The following VAV2 variants were observed in gnomAD, a reference collection of about 807,000 sequenced individuals.
The protein encoded by VAV2 is guanine nucleotide exchange factor VAV2.
Under a neutral mutation model 132.5 loss-of-function variants are expected in VAV2, and 67 were observed. The ratio of observed to expected loss-of-function variants is 0.51; its 90% CI spans 0.42 to 0.62. The LOEUF (loss-of-function observed/expected upper bound fraction) is 0.62, where lower values mean the gene tolerates loss of function less well. Ranked by LOEUF, VAV2 falls within the 20% of genes least tolerant of loss-of-function variation. VAV2 has a pLI of 0.00. For missense variants in VAV2, 938 were observed against 1,153.6 expected (o/e 0.81, Z 2.71); for synonymous variants, 492 against 443.5 (o/e 1.11, Z -1.37).
In VAV2 at chr9:133,887,667, C is replaced by T. The variant is rs547630147; in HGVS notation, c.322-26235G>A. Among the ~76,000 whole-genome samples, 88 of 152,254 alleles carry T rather than the reference C, an allele frequency of 5.8e-4. 1 individual carries two copies. The South Asian group carries it at 0.015, about 27-fold the overall frequency. ...CAGAGACCCTCCCCAACCCCAGCAC[C>T]CCAGGGACATCAGAGGCTGAGGGAT... On this transcript the variant is annotated intron_variant, in intron 2 of 29. Transcript: ENST00000371850.
intron 2 of VAV2, among the ~76,000 whole-genome samples, chr9:133,889,913 G>C (rs1295656586): frequency 6.6e-6 from 1 of 152,214 alleles, no homozygotes; most frequent in African/African-American, 2.4e-5. Flanking sequence ...GAATATTAGT[G>C]TTTCCCATGA....
rs530271384 is a variant in VAV2 at position 133,768,773 on chromosome 9, G to A, written c.2435-177C>T. 1.3e-5 allele frequency among the ~76,000 whole-genome samples: 2 copies of A among 152,096 alleles called. No individual in the cohort carries two copies. The highest frequency in any genetic ancestry group is 2.1e-4 in the South Asian group (1 of 4,814). ...GGGACACACTGGCCTCCAATCCCAG[G>A]GCCCCTTGCCCTCTGGGTCTGGGGA... On this transcript the variant is annotated intron_variant, in intron 28 of 29. Coordinates refer to ENST00000371850, the MANE Select transcript of VAV2 (RefSeq NM_001134398.2). This position sits in a 1 kb window ranked among gnomAD's most constrained non-coding sequence, Gnocchi z 5.3.
intron 1 of VAV2, among the ~76,000 whole-genome samples, chr9:133,957,835 G>C (rs1211270599): frequency 2.3e-5 from 3 of 129,722 alleles, no homozygotes; most frequent in African/African-American, 5.1e-5. Context: ...GAAAGAAGTA[G>C]ACATGGAAGA....
chr9:133,842,127 T>A (rs1836750127), intron 3 of VAV2, among the ~76,000 whole-genome samples: 1 of 152,198 alleles, frequency 6.6e-6, no homozygotes, highest in Non-Finnish European at 1.5e-5. Flanking sequence ...GCTTGGCTCA[T>A]CCAGCCATCA....
intron 3 of VAV2, among the ~76,000 whole-genome samples, chr9:133,838,830 A>AGTGGGTTGGTGGATGGATGAATGGGTGG (rs2131800883): frequency 2.7e-5 from 2 of 75,430 alleles, no homozygotes; most frequent in East Asian, 9.0e-4. Context: ...TAGGTTGGTG[A>AGTGGGTTGGTGGATGGATGAATGGGTGG]GTGGGTTGGT....
At chr9:133,944,701 A>G (rs746275394) in intron 1 of VAV2, among the ~76,000 whole-genome samples, 2 of 152,256 alleles carry the variant, frequency 1.3e-5, no homozygotes, top group Non-Finnish European at 2.9e-5. Context: ...GCCTAAGGGG[A>G]TGCAAGAAAG....
At chr9:133,801,280 C>T (rs1278861942) in intron 9 of VAV2, among the ~76,000 whole-genome samples, 3 of 152,236 alleles carry the variant, frequency 2.0e-5, no homozygotes, top group African/African-American at 4.8e-5. Context: ...GGGCCCTGGC[C>T]GTGGGACGGG....
rs138706619 is a variant in VAV2, at chr9:133,785,200, C to T, written c.1532+576G>A. Among the ~76,000 whole-genome samples, 1,209 of 152,286 alleles carry T rather than the reference C, an allele frequency of 7.9e-3. 29 individuals carry two copies. Among genetic ancestry groups the T allele is most frequent in the Admixed American group, 0.043 (658 of 15,300 alleles). On this transcript the variant is annotated intron_variant, in intron 17 of 29. Transcript: ENST00000371850. ...TCACCAGAAGAAACGGTCAGAGAGG[C>T]GAGTGCACCTGCCTGCAGGCCCCAG... is the stretch of plus-strand genomic sequence containing the variant.
intron 2 of VAV2, among the ~76,000 whole-genome samples, chr9:133,905,466 G>C (rs1588346922): frequency 6.8e-6 from 1 of 147,546 alleles, no homozygotes; most frequent in Non-Finnish European, 1.5e-5. Flanking sequence ...AAAAGAAGAA[G>C]AACAGCAGCT....
intron 4 of VAV2, among the ~76,000 whole-genome samples, chr9:133,817,320 C>T (rs900327279): frequency 6.6e-6 from 1 of 152,236 alleles, no homozygotes; most frequent in Non-Finnish European, 1.5e-5. Flanking sequence ...CAGGCTCTGT[C>T]CCTTCTTTCC....
chr9:133,868,774 G>T (rs1015377916), intron 2 of VAV2, among the ~76,000 whole-genome samples: 1 of 152,214 alleles, frequency 6.6e-6, no homozygotes, highest in South Asian at 2.1e-4. Context: ...TGCTACTTGG[G>T]ATGTGAACCT....
At chr9:133,946,109 C>A (rs1027496548) in intron 1 of VAV2, among the ~76,000 whole-genome samples, 2 of 152,352 alleles carry the variant, frequency 1.3e-5, no homozygotes, top group East Asian at 1.9e-4. Flanking sequence ...TTAGCTGGAG[C>A]TGAGGAGCAG....
chr9:133,881,884 C>T (rs1034192110), intron 2 of VAV2, among the ~76,000 whole-genome samples: 3 of 152,176 alleles, frequency 2.0e-5, no homozygotes, highest in Non-Finnish European at 2.9e-5. Context: ...AGATCAGACA[C>T]GCAGCAAGTA....
At chr9:133,952,602 C>CA (rs1554816784) in intron 1 of VAV2, among the ~76,000 whole-genome samples, 1,281 of 125,374 alleles carry the variant, frequency 0.01, 28 homozygotes, top group African/African-American at 0.034. Flanking sequence ...GACTCTGTCT[C>CA]GGGGAAAAAA....
chr9:133,807,361 G>A (rs752383496), intron 7 of VAV2, 35 bp from the exon 8 acceptor site: 1 of 1,574,288 alleles, frequency 6.4e-7, no homozygotes, highest in Non-Finnish European at 8.6e-7. Flanking sequence ...CCACCCTGCT[G>A]CTGTTGCCCA....
intron 1 of VAV2, among the ~76,000 whole-genome samples, chr9:133,977,196 T>C (rs533330060): frequency 2.6e-5 from 4 of 152,302 alleles, no homozygotes; most frequent in Admixed American, 6.5e-5. Flanking sequence ...CCCCCCAGCA[T>C]CCCACGAGGA....
In VAV2 at chr9:133,807,315, G is replaced by C; in HGVS notation, c.678C>G (p.Ser226Arg). Reference sequence around the variant, plus strand: ...CCGGGCTCAGCACCAGCCGCAGGGGGCTCATGTAGTTCTGGAAGAGAGAAG... The same window carrying C: ...CCGGGCTCAGCACCAGCCGCAGGGGCCTCATGTAGTTCTGGAAGAGAGAAG... Reference protein sequence around the residue: ...TLEDIEKNYMSPLRLVLSPAD... With the variant: ...TLEDIEKNYMRPLRLVLSPAD... The change falls in exon 8 of 30, where the codon AGC (serine) becomes AGG (arginine). Residue 226 changes from serine to arginine, a missense_variant. By Grantham distance (110) the Ser-to-Arg change is moderately radical. Coordinates refer to ENST00000371850, the MANE Select transcript of VAV2 (RefSeq NM_001134398.2). The C allele has an allele frequency of 4.3e-6, 7 of 1,610,464 alleles. No individual in the cohort carries two copies. The highest frequency in any genetic ancestry group is 5.9e-6 in the Non-Finnish European group (7 of 1,179,014).
intron 9 of VAV2, among the ~76,000 whole-genome samples, chr9:133,805,800 C>T (rs1158129703): frequency 6.6e-6 from 1 of 152,206 alleles, no homozygotes; most frequent in African/African-American, 2.4e-5. Flanking sequence ...GACAGCCGAG[C>T]CACTTGGATG....
chr9:133,938,987 A>T (rs2132134723), intron 2 of VAV2, 116 bp downstream of exon 2: 1 of 947,426 alleles, frequency 1.1e-6, no homozygotes, highest in Non-Finnish European at 1.7e-6. Flanking sequence ...GCAGAAATCC[A>T]CTGGCTCTGT....
Sources: gnomAD v4.1 joint callset for allele counts (sites outside exome capture counted in the v4.1 genomes callset) on GRCh38, gnomAD v4.1.1 for gene constraint, Gnocchi (gnomAD v3.1) non-coding constraint, MANE v1.5 for transcripts, NCBI Gene and HGNC (gene_info 2026-07-23, HGNC 2026-07-21) for gene names.